Variants in ARHGAP29 observed in about 807,000 individuals in gnomAD.
ARHGAP29 encodes the protein Rho GTPase activating protein 29.
A neutral mutation model predicts 122.6 loss-of-function variants in ARHGAP29; 43 were observed. The ratio of observed to expected loss-of-function variants is 0.35; its 90% CI spans 0.27 to 0.45. The LOEUF (loss-of-function observed/expected upper bound fraction) is 0.45, where lower values mean the gene tolerates loss of function less well. Among genes scored for constraint, ARHGAP29 ranks in the 20% least tolerant of loss-of-function variants. The pLI is 1.00. For missense variants in ARHGAP29, 1,303 were observed against 1,477.2 expected, an observed-to-expected ratio of 0.88 and a Z score of 1.93; for synonymous variants, 506 against 497.1, an observed-to-expected ratio of 1.02 and a Z score of -0.24.
At chr1:94,216,552 A>C (rs1288177229) in intron 3 of ARHGAP29, among the ~76,000 whole-genome samples, 2 of 152,202 alleles carry the variant, frequency 1.3e-5, no homozygotes, top group Non-Finnish European at 2.9e-5. Flanking sequence ...ATCGTTCAAT[A>C]CCCTTTTATA....
chr1:94,210,006 T>G (rs2101543739), intron 3 of ARHGAP29, among the ~76,000 whole-genome samples: 1 of 152,330 alleles, frequency 6.6e-6, no homozygotes, highest in Non-Finnish European at 1.5e-5. Context: ...AATAGAGATA[T>G]TCTAATATTT....
rs1649816338 is a variant in ARHGAP29 at position 94,186,584 on chromosome 1, T to C, written c.1695A>G (p.Arg565=). Reference sequence around the variant, plus strand: ...CACTGGATGGTGTTCGTGGAAGTTTTCGATGAAAGTCTCCTAGAAGAAAAT... The same window carrying C: ...CACTGGATGGTGTTCGTGGAAGTTTCCGATGAAAGTCTCCTAGAAGAAAAT... ...SESISPGDFH[R]KLPRTPSSGT... is the part of the protein sequence containing the mutation. Residue 565 remains arginine (R), a synonymous_variant, in exon 16 of 23, where the codon CGA becomes CGG. Transcript: ENST00000260526. 3 of 1,613,346 alleles carry C rather than the reference T, an allele frequency of 1.9e-6. No homozygotes were observed. The highest frequency in any genetic ancestry group is 2.5e-6 in the Non-Finnish European group (3 of 1,179,496).
intron 1 of ARHGAP29, among the ~76,000 whole-genome samples, chr1:94,232,845 T>C (rs1653008916): frequency 6.6e-6 from 1 of 152,152 alleles, no homozygotes; most frequent in Admixed American, 6.5e-5. Flanking sequence ...ACACTTTTTT[T>C]CAAGTATTTT....
upstream of ARHGAP29, among the ~76,000 whole-genome samples, chr1:94,279,876 G>A (rs1017191622): frequency 3.3e-5 from 5 of 152,032 alleles, no homozygotes; most frequent in African/African-American, 1.2e-4. Context: ...TGGGCCAAAG[G>A]TTTCCCTAAT....
chr1:94,179,240 G>C (rs1415717610), intron 20 of ARHGAP29, among the ~76,000 whole-genome samples: 1 of 152,150 alleles, frequency 6.6e-6, no homozygotes, highest in Non-Finnish European at 1.5e-5. Context: ...ACACAGATTG[G>C]AAATGAAATG....
rs1472035344 is a variant in ARHGAP29, at chr1:94,172,640, TATAACACAGTCATACAAAA to T, written c.*1210_*1228del. On this transcript the variant is annotated 3_prime_UTR_variant, in exon 23 of 23. Transcript: ENST00000260526. ...ATATATATATATATATATTATCAAG[TATAACACAGTCATACAAAA>T]ACATTTAGTAGAAATATAATTCACA... 1.4e-5 allele frequency: 2 copies of T among 145,740 alleles called. No individual in the cohort carries two copies. The highest frequency in any genetic ancestry group is 2.5e-5 in the African/African-American group (1 of 39,692). The allele number at this position is 145,740 out of a possible 1,614,324, so 9.0% of individuals were successfully genotyped here.
At chr1:94,285,873 CAAAAAAAAAA>C in the ARHGAP29 span, among the ~76,000 whole-genome samples, 1 of 72,640 alleles carries the variant, frequency 1.4e-5, no homozygotes, top group South Asian at 4.7e-4. Context: ...GACTCTGTCT[CAAAAAAAAAA>C]AAAAAAAGAA....
Position 94,190,114 on chromosome 1 carries a change from C to T in ARHGAP29, c.1282-31G>A, listed in dbSNP as rs765222160. ...GACCCAGAGACAAAAGGCAGAGTAA[C>T]TCATGATATACAGAATGCTATATAA... On this transcript the variant is annotated intron_variant, in intron 12 of 22. Coordinates refer to ENST00000260526, the MANE Select transcript of ARHGAP29 (RefSeq NM_004815.4). The T allele has an allele frequency of 8.7e-6, 14 of 1,606,902 alleles. No individual in the cohort carries two copies. In the South Asian group the frequency reaches 1.5e-4, roughly 18 times the overall value.
chr1:94,276,441 T>C (rs148543106), upstream of ARHGAP29, among the ~76,000 whole-genome samples: 290 of 151,142 alleles, frequency 1.9e-3, no homozygotes, highest in African/African-American at 6.3e-3. Context: ...TTTTTAGATT[T>C]TTTTTTTTTT....
intron 8 of ARHGAP29, 137 bp downstream of exon 8, chr1:94,203,793 T>G: frequency 1.4e-6 from 1 of 709,432 alleles, no homozygotes; most frequent in Non-Finnish European, 2.3e-6. Flanking sequence ...CATCTAAACT[T>G]AAAATAATTT....
intron 15 of ARHGAP29, among the ~76,000 whole-genome samples, chr1:94,186,851 C>A (rs941750102): frequency 6.6e-6 from 1 of 152,130 alleles, no homozygotes; most frequent in Non-Finnish European, 1.5e-5. Context: ...CACTTTACTG[C>A]CAACTTCTGA....
In ARHGAP29 at chr1:94,170,862, T is replaced by A. The variant is rs1648693547; in HGVS notation, c.*3007A>T. On this transcript the variant is annotated 3_prime_UTR_variant, in exon 23 of 23. Coordinates refer to ENST00000260526, the MANE Select transcript of ARHGAP29 (RefSeq NM_004815.4). The stretch of plus-strand genomic sequence containing the variant: ...ACTTATTCTTAGGTAGAGTATTTTG[T>A]ATTTTTTAATGATATTGAAGAGATC... Among the ~76,000 whole-genome samples, 2 of 152,312 alleles carry A rather than the reference T, an allele frequency of 1.3e-5. No individual in the cohort carries two copies. The highest frequency in any genetic ancestry group is 2.1e-4 in the South Asian group (1 of 4,830).
chr1:94,241,649 T>C (rs1358493715), upstream of ARHGAP29, among the ~76,000 whole-genome samples: 1 of 143,788 alleles, frequency 7.0e-6, no homozygotes, highest in East Asian at 2.0e-4. Flanking sequence ...TAATTATATA[T>C]ATATCTTATA....
At position 94,174,247 on chromosome 1, in the gene ARHGAP29, TCTCA is replaced by T; in HGVS notation, c.3404_3407del (p.Val1135GlufsTer68). 1 of 1,614,204 alleles carries T rather than the reference TCTCA, an allele frequency of 6.2e-7. No individual in the cohort carries two copies. The highest frequency in any genetic ancestry group is 8.5e-7 in the Non-Finnish European group (1 of 1,180,030). ...CTGAAGACCGTCTCTCAGATGCCTC[TCTCA>T]CTGACCTGACTGGCTCTGCATATGG... On this transcript the variant is annotated frameshift_variant, in exon 23 of 23. Transcript: ENST00000260526. LOFTEE classifies it low-confidence loss of function (END_TRUNC).
the ARHGAP29 span, among the ~76,000 whole-genome samples, chr1:94,292,401 G>A: frequency 3.9e-5 from 6 of 152,130 alleles, no homozygotes; most frequent in African/African-American, 1.4e-4. Flanking sequence ...GTTAGAATGT[G>A]GTCCTTTAGC....
intron 12 of ARHGAP29, among the ~76,000 whole-genome samples, chr1:94,199,050 T>G (rs1163008377): frequency 6.6e-6 from 1 of 152,038 alleles, no homozygotes; most frequent in African/African-American, 2.4e-5. Flanking sequence ...ATGGAATCAC[T>G]TGGACACAGG....
chr1:94,262,695 A>G (rs1257911967), intron 1 of ARHGAP29, among the ~76,000 whole-genome samples: 1 of 152,212 alleles, frequency 6.6e-6, no homozygotes, highest in Non-Finnish European at 1.5e-5. Flanking sequence ...CAAAACCACA[A>G]TGAGATACCA....
intron 19 of ARHGAP29, among the ~76,000 whole-genome samples, chr1:94,182,052 C>A (rs1479836004): frequency 6.6e-6 from 1 of 151,592 alleles, no homozygotes; most frequent in Non-Finnish European, 1.5e-5. Context: ...ATATGTGGCT[C>A]ACATTATATT....
intron 12 of ARHGAP29, chr1:94,194,073 G>C (rs1650293338): frequency 6.6e-6 from 1 of 152,132 alleles, no homozygotes; most frequent in Non-Finnish European, 1.5e-5. Flanking sequence ...GTTCTAAGTA[G>C]ACTGTAAAAA....
Sources: allele counts gnomAD v4.1 joint callset (sites outside exome capture counted in the v4.1 genomes callset), GRCh38; gene constraint gnomAD v4.1.1; transcripts MANE v1.5; gene names NCBI Gene and HGNC (gene_info 2026-07-23, HGNC 2026-07-21).